Variants in TASP1 observed in about 807,000 individuals in gnomAD.
TASP1 encodes threonine aspartase 1.
In TASP1, 16 loss-of-function variants were observed where a neutral mutation model predicts 56.6. The ratio of observed to expected loss-of-function variants is 0.28; its 90% CI spans 0.19 to 0.43. The LOEUF (loss-of-function observed/expected upper bound fraction) is 0.43. TASP1 is among the 20% of genes least tolerant of loss of function. The pLI is 1.00. For synonymous variants in TASP1, 179 were observed against 184.2 expected (o/e 0.97, Z 0.23); for missense variants, 393 against 511.6 (o/e 0.77, Z 2.24).
chr20:13,413,305 G>T (rs920148847), intron 13 of TASP1, among the ~76,000 whole-genome samples: 2 of 152,154 alleles, frequency 1.3e-5, no homozygotes, highest in Non-Finnish European at 2.9e-5. Flanking sequence ...TCATTACCAT[G>T]TGTCAGAGTA....
At chr20:13,442,135 C>T (rs895970049) in intron 11 of TASP1, among the ~76,000 whole-genome samples, 2 of 152,122 alleles carry the variant, frequency 1.3e-5, no homozygotes, top group African/African-American at 4.8e-5. Context: ...GGCTCCCTTT[C>T]CCCCCATAAA....
the TASP1 span, among the ~76,000 whole-genome samples, chr20:13,171,025 T>C: frequency 6.6e-6 from 1 of 152,198 alleles, no homozygotes; most frequent in Non-Finnish European, 1.5e-5. Flanking sequence ...TGTGGGGTCA[T>C]GGAAAATGCT....
At chr20:13,340,998 ATAT>A in the TASP1 span, among the ~76,000 whole-genome samples, 1 of 152,202 alleles carries the variant, frequency 6.6e-6, no homozygotes, top group Non-Finnish European at 1.5e-5. Flanking sequence ...TCTTTCAGTA[ATAT>A]TATGTGCTGA....
chr20:13,257,660 C>A, the TASP1 span, among the ~76,000 whole-genome samples: 8 of 151,760 alleles, frequency 5.3e-5, no homozygotes, highest in African/African-American at 1.9e-4. Flanking sequence ...CATTACACTG[C>A]ACAAGTAAAG....
intron 11 of TASP1, among the ~76,000 whole-genome samples, chr20:13,435,854 A>G (rs751117321): frequency 2.0e-5 from 3 of 152,324 alleles, no homozygotes; most frequent in African/African-American, 7.2e-5. Context: ...ACTATCAAAG[A>G]GAGTAGTAAA....
chr20:13,542,354 A>G (rs2045655768), intron 8 of TASP1, among the ~76,000 whole-genome samples: 2 of 152,210 alleles, frequency 1.3e-5, no homozygotes, highest in Admixed American at 1.3e-4. Flanking sequence ...CTAAATTTGT[A>G]TGTATTTTTA....
chr20:13,257,519 C>T, the TASP1 span, among the ~76,000 whole-genome samples: 1 of 152,134 alleles, frequency 6.6e-6, no homozygotes, highest in Non-Finnish European at 1.5e-5. Flanking sequence ...GAATAGCTCT[C>T]ATGTTTACAT....
At chr20:13,153,723 C>T in the TASP1 span, among the ~76,000 whole-genome samples, 2 of 152,056 alleles carry the variant, frequency 1.3e-5, no homozygotes, top group Non-Finnish European at 2.9e-5. Flanking sequence ...AAATAGATAC[C>T]TCCCCTGCCT....
intron 10 of TASP1, among the ~76,000 whole-genome samples, chr20:13,509,918 G>A (rs531285791): frequency 4.6e-5 from 7 of 152,164 alleles, no homozygotes; most frequent in East Asian, 1.9e-4. Context: ...GAGCCACCAC[G>A]TCTGGCCTTG....
At chr20:13,597,266 C>T (rs543170297) in intron 4 of TASP1, among the ~76,000 whole-genome samples, 9 of 152,204 alleles carry the variant, frequency 5.9e-5, no homozygotes, top group South Asian at 4.2e-4. Flanking sequence ...TGTTGAACAT[C>T]GATGCAAAAA....
rs189758800 is a variant in TASP1 at position 13,547,821 on chromosome 20, T to G, written c.675+11187A>C. Among the ~76,000 whole-genome samples the G allele has an allele frequency of 1.9e-3, 293 of 152,280 alleles. 1 individual carries two copies. The highest frequency in any genetic ancestry group is 3.4e-3 in the Middle Eastern group (1 of 294). ...AAGAAAAAAAAAAGTAGTGCATGTA[T>G]TCATTAAATGTTTATTGAGCATTTA... On this transcript the variant is annotated intron_variant, in intron 8 of 13. Coordinates refer to ENST00000337743, the MANE Select transcript of TASP1 (RefSeq NM_017714.3).
At chr20:13,219,040 T>C in the TASP1 span, among the ~76,000 whole-genome samples, 1 of 152,248 alleles carries the variant, frequency 6.6e-6, no homozygotes, top group Non-Finnish European at 1.5e-5. Flanking sequence ...TTTTTAAAGG[T>C]CATTTTTGCC....
rs12480131 is a variant in TASP1, at chr20:13,634,551, G to A, written c.-75+4343C>T. Among the ~76,000 whole-genome samples the A allele has an allele frequency of 3.7e-3, 568 of 152,260 alleles. 3 individuals are homozygous for A. Among genetic ancestry groups the A allele is most frequent in the East Asian group, 0.012 (61 of 5,188 alleles). On this transcript the variant is annotated intron_variant, in intron 1 of 13. Transcript: ENST00000337743. The stretch of plus-strand genomic sequence containing the variant: ...TTGAGACAAGCCTGGCCAACATGGC[G>A]AAATCCCGTCTCTACTAAAAATACA...
At chr20:13,550,048 G>T (rs923256788) in intron 8 of TASP1, among the ~76,000 whole-genome samples, 1 of 151,944 alleles carries the variant, frequency 6.6e-6, no homozygotes, top group Admixed American at 6.6e-5. Context: ...ATAGCTTGGT[G>T]TGGATTTAAG....
intron 13 of TASP1, among the ~76,000 whole-genome samples, chr20:13,416,561 C>T (rs985422074): frequency 6.6e-6 from 1 of 152,150 alleles, no homozygotes; most frequent in African/African-American, 2.4e-5. Context: ...TATATTTATC[C>T]TTTATGATTC....
At chr20:13,368,899 G>A in the TASP1 span, among the ~76,000 whole-genome samples, 3 of 152,218 alleles carry the variant, frequency 2.0e-5, no homozygotes, top group African/African-American at 7.2e-5. Context: ...GGAGTTTGTG[G>A]CTCCTGTGGG....
chr20:13,462,099 G>GA (rs1216249167), intron 11 of TASP1, among the ~76,000 whole-genome samples: 3 of 151,636 alleles, frequency 2.0e-5, no homozygotes, highest in South Asian at 4.2e-4. Flanking sequence ...CTTATTATGA[G>GA]AAAAAAAATA....
rs546419566 is a variant in TASP1 at position 13,469,792 on chromosome 20, C to CTTTTTTTTTTTTTTTTTTTTTTTTTTTTT, written c.985+13406_985+13434dup. Among the ~76,000 whole-genome samples the CTTTTTTTTTTTTTTTTTTTTTTTTTTTTT allele has an allele frequency of 1.5e-4, 6 of 39,546 alleles. 2 individuals are homozygous for CTTTTTTTTTTTTTTTTTTTTTTTTTTTTT. The highest frequency in any genetic ancestry group is 2.6e-4 in the African/African-American group (3 of 11,436). 25.9% of individuals were successfully genotyped at this position (39,546 alleles called of 152,430 possible). On this transcript the variant is annotated intron_variant, in intron 11 of 13. Transcript: ENST00000337743. ...ACAGTTGTCCAGGTCAATAAATGTC[C>CTTTTTTTTTTTTTTTTTTTTTTTTTTTTT]TTTTTTTTTTTTTTTTTTTTTTTTT...
intron 13 of TASP1, among the ~76,000 whole-genome samples, chr20:13,391,552 G>A (rs2041278716): frequency 1.3e-5 from 2 of 152,180 alleles, no homozygotes; most frequent in Non-Finnish European, 2.9e-5. Flanking sequence ...CTGAAAAAGT[G>A]TGAGCCAAGA....
Sources: gnomAD v4.1 joint callset for allele counts (sites outside exome capture counted in the v4.1 genomes callset) on GRCh38, gnomAD v4.1.1 for gene constraint, MANE v1.5 for transcripts, NCBI Gene and HGNC (gene_info 2026-07-23, HGNC 2026-07-21) for gene names.